Variants in ANKFN1 observed in about 807,000 individuals in gnomAD.
ANKFN1 encodes the protein ankyrin repeat and fibronectin type III domain containing 1.
ANKFN1 carries 74 observed loss-of-function variants against 108.7 expected under a neutral mutation model. The ratio of observed to expected loss-of-function variants is 0.68; its 90% confidence interval spans 0.56 to 0.83. The LOEUF (loss-of-function observed/expected upper bound fraction) is 0.83, where lower values mean the gene tolerates loss of function less well. Ranked by LOEUF, ANKFN1 falls within the 40% of genes least tolerant of loss-of-function variation. ANKFN1 has a pLI of 0.00. For missense variants in ANKFN1, 1,505 were observed against 1,382.3 expected, an observed-to-expected ratio of 1.09 and a Z score of -1.41; for synonymous variants, 547 against 516.2, an observed-to-expected ratio of 1.06 and a Z score of -0.81.
At chr17:56,327,529 G>T (rs1302421000) in intron 4 of ANKFN1, among the ~76,000 whole-genome samples, 3 of 152,136 alleles carry the variant, frequency 2.0e-5, no homozygotes, top group Non-Finnish European at 4.4e-5. Flanking sequence ...GTGAAGTTTT[G>T]CCTGGTGGAA....
At position 56,511,342 on chromosome 17, in the gene ANKFN1, C is replaced by T. The variant is rs1416129880; in HGVS notation, c.*73C>T. The T allele has an allele frequency of 2.2e-6, 3 of 1,343,560 alleles. No individual in the cohort carries two copies. Among genetic ancestry groups the T allele is most frequent in the Non-Finnish European group, 2.0e-6 (2 of 1,008,220 alleles). The allele number at this position is 1,343,560 out of a possible 1,614,324, so 83.2% of individuals were successfully genotyped here. ...TTACATCACCCTTACCCCCATCCTG[C>T]CCCACTGTGTACCCACTCATTTTCA... is the stretch of plus-strand genomic sequence containing the variant. On this transcript the variant is annotated 3_prime_UTR_variant, in exon 21 of 21. Coordinates refer to ENST00000682825, the MANE Select transcript of ANKFN1 (RefSeq NM_001370326.1).
At chr17:56,225,727 C>G (rs1916220027) in intron 2 of ANKFN1, among the ~76,000 whole-genome samples, 4 of 152,206 alleles carry the variant, frequency 2.6e-5, no homozygotes, top group Admixed American at 2.6e-4. Flanking sequence ...ATGTAACTCT[C>G]TGGTCTGAAA....
chr17:56,454,136 C>T (rs762902495), intron 11 of ANKFN1, among the ~76,000 whole-genome samples: 1 of 152,128 alleles, frequency 6.6e-6, no homozygotes, highest in African/African-American at 2.4e-5. Flanking sequence ...TTTGGTTCTC[C>T]CACATTCGTC....
At chr17:56,465,669 G>T (rs752086240) in intron 14 of ANKFN1, among the ~76,000 whole-genome samples, 4 of 152,126 alleles carry the variant, frequency 2.6e-5, no homozygotes, top group Non-Finnish European at 4.4e-5. Flanking sequence ...TTTATTTTAG[G>T]AATAACTACC....
chr17:56,444,921 G>T (rs1454079605), intron 10 of ANKFN1, among the ~76,000 whole-genome samples: 1 of 152,156 alleles, frequency 6.6e-6, no homozygotes, highest in Non-Finnish European at 1.5e-5. Flanking sequence ...ATCTGTGCCT[G>T]ACTACCATCT....
chr17:56,154,837 T>C (rs747832028), intron 1 of ANKFN1, among the ~76,000 whole-genome samples: 2 of 152,148 alleles, frequency 1.3e-5, no homozygotes, highest in Admixed American at 1.3e-4. Flanking sequence ...TTACCATTTG[T>C]TCCATGAAGT....
intron 3 of ANKFN1, among the ~76,000 whole-genome samples, chr17:56,257,656 C>T (rs2043392146): frequency 6.6e-6 from 1 of 152,192 alleles, no homozygotes; most frequent in African/African-American, 2.4e-5. Flanking sequence ...CAAGGGACTC[C>T]CTCTCAGCAG....
At chr17:56,410,365 G>T (rs201124131) in intron 8 of ANKFN1, among the ~76,000 whole-genome samples, 1 of 152,078 alleles carries the variant, frequency 6.6e-6, no homozygotes, top group Non-Finnish European at 1.5e-5. Context: ...AAAGTGCTGG[G>T]ATTACAGGCA....
intron 8 of ANKFN1, among the ~76,000 whole-genome samples, chr17:56,391,835 T>G (rs1017246767): frequency 6.6e-6 from 1 of 152,200 alleles, no homozygotes; most frequent in African/African-American, 2.4e-5. Flanking sequence ...GTAAGTCTCA[T>G]GTAAGCCATA....
chr17:56,185,149 C>T (rs754277251), intron 1 of ANKFN1, among the ~76,000 whole-genome samples: 37 of 152,254 alleles, frequency 2.4e-4, no homozygotes, highest in Non-Finnish European at 4.6e-4. Flanking sequence ...ACTCCAATCC[C>T]AAATGTCATC....
intron 11 of ANKFN1, among the ~76,000 whole-genome samples, chr17:56,456,202 G>A (rs1317065527): frequency 6.6e-6 from 1 of 152,126 alleles, no homozygotes; most frequent in Non-Finnish European, 1.5e-5. Context: ...GCGGGAGTTG[G>A]GAGAAGGGCA....
intron 4 of ANKFN1, among the ~76,000 whole-genome samples, chr17:56,138,917 A>G (rs1907756421): frequency 6.6e-6 from 1 of 152,256 alleles, no homozygotes; most frequent in Non-Finnish European, 1.5e-5. Flanking sequence ...TTGAGGGAGA[A>G]CAATTAAGCA....
At chr17:56,401,068 G>A (rs2047746184) in intron 8 of ANKFN1, among the ~76,000 whole-genome samples, 1 of 151,950 alleles carries the variant, frequency 6.6e-6, no homozygotes, top group Non-Finnish European at 1.5e-5. Context: ...TTGGCTATGT[G>A]GGCTCTTTTT....
intron 8 of ANKFN1, among the ~76,000 whole-genome samples, chr17:56,392,120 T>A (rs1438061643): frequency 1.3e-5 from 2 of 152,180 alleles, no homozygotes; most frequent in African/African-American, 4.8e-5. Context: ...GACTTAATTC[T>A]CACAGCGTAT....
chr17:56,097,674 G>A (rs144768960), intron 4 of ANKFN1, among the ~76,000 whole-genome samples: 5 of 152,288 alleles, frequency 3.3e-5, no homozygotes, highest in Non-Finnish European at 4.4e-5. Context: ...ACCTTCCAGC[G>A]AGTTCTGTGA....
chr17:56,353,552 G>A (rs908780356), intron 5 of ANKFN1, among the ~76,000 whole-genome samples: 3 of 152,084 alleles, frequency 2.0e-5, no homozygotes, highest in Non-Finnish European at 4.4e-5. Flanking sequence ...AACTATTAGA[G>A]TATTTTTCAG....
intron 1 of ANKFN1, among the ~76,000 whole-genome samples, chr17:56,170,640 A>G (rs902336694): frequency 6.6e-6 from 1 of 150,866 alleles, no homozygotes; most frequent in African/African-American, 2.4e-5. Flanking sequence ...GCGCGTGCCC[A>G]TAGTCTCAGC....
chr17:56,047,834 A>G (rs1904705945), intron 4 of ANKFN1, among the ~76,000 whole-genome samples: 1 of 152,220 alleles, frequency 6.6e-6, no homozygotes, highest in African/African-American at 2.4e-5. Flanking sequence ...CTTGGCAGAC[A>G]GGTTGAGAAG....
At chr17:56,267,935 T>C (rs1182721343) in intron 3 of ANKFN1, among the ~76,000 whole-genome samples, 1 of 152,184 alleles carries the variant, frequency 6.6e-6, no homozygotes, top group Non-Finnish European at 1.5e-5. Flanking sequence ...GTGAAAAATA[T>C]TGGCATTTTG....
Sources: allele counts gnomAD v4.1 joint callset (sites outside exome capture counted in the v4.1 genomes callset), GRCh38; gene constraint gnomAD v4.1.1; transcripts MANE v1.5; gene names NCBI Gene and HGNC (gene_info 2026-07-23, HGNC 2026-07-21).